The following BCKDHB variants were observed in gnomAD, a reference collection of about 807,000 sequenced individuals.
BCKDHB encodes 2-oxoisovalerate dehydrogenase subunit beta, mitochondrial.
BCKDHB carries 41 observed loss-of-function variants against 48.5 expected under a neutral mutation model. That is an observed-to-expected ratio of 0.85 (90% CI 0.66 to 1.10). The LOEUF is 1.10. Among genes scored for constraint, BCKDHB ranks in the 50% least tolerant of loss-of-function variants. BCKDHB has a pLI of 0.00. For missense variants in BCKDHB, 496 were observed against 494.2 expected (o/e 1.00, Z -0.03); for synonymous variants, 201 against 174.8 (o/e 1.15, Z -1.18).
At chr6:80,261,285 A>G (rs1190490741) in intron 8 of BCKDHB, among the ~76,000 whole-genome samples, 2 of 152,036 alleles carry the variant, frequency 1.3e-5, no homozygotes, top group African/African-American at 2.4e-5. Flanking sequence ...GGAAAGGACA[A>G]ATGGAAGGAT....
chr6:80,436,330 G>A, the BCKDHB span, among the ~76,000 whole-genome samples: 4 of 150,916 alleles, frequency 2.7e-5, no homozygotes, highest in African/African-American at 9.7e-5. Context: ...GGCTAATTTT[G>A]CTTTTGTATT....
intron 9 of BCKDHB, among the ~76,000 whole-genome samples, chr6:80,278,233 A>G (rs569703683): frequency 6.6e-6 from 1 of 152,324 alleles, no homozygotes; most frequent in South Asian, 2.1e-4. Flanking sequence ...AGATAAAACA[A>G]TCAGGAGAAG....
At chr6:80,413,365 G>A in the BCKDHB span, among the ~76,000 whole-genome samples, 2 of 152,072 alleles carry the variant, frequency 1.3e-5, no homozygotes, top group African/African-American at 4.8e-5. Flanking sequence ...CTTATGTCAT[G>A]GAGGTTTGTT....
At chr6:80,175,526 G>A (rs1773109360) in intron 6 of BCKDHB, among the ~76,000 whole-genome samples, 1 of 152,176 alleles carries the variant, frequency 6.6e-6, no homozygotes, top group Non-Finnish European at 1.5e-5. Flanking sequence ...TTGACTCATA[G>A]TCCACTTCTA....
At chr6:80,246,667 T>C (rs1475616624) in intron 8 of BCKDHB, among the ~76,000 whole-genome samples, 1 of 152,186 alleles carries the variant, frequency 6.6e-6, no homozygotes, top group Non-Finnish European at 1.5e-5. Flanking sequence ...CTGTATGCTG[T>C]CTACCCAACA....
chr6:80,452,120 G>A, the BCKDHB span, among the ~76,000 whole-genome samples: 16 of 152,324 alleles, frequency 1.1e-4, no homozygotes, highest in African/African-American at 3.8e-4. Context: ...TGGTGGCAGA[G>A]GGGAGAGAGC....
chr6:80,375,197 C>T, the BCKDHB span, among the ~76,000 whole-genome samples: 1 of 152,270 alleles, frequency 6.6e-6, no homozygotes, highest in Non-Finnish European at 1.5e-5. Context: ...ATGTTTAGAT[C>T]TCCAGCAAGG....
intron 8 of BCKDHB, among the ~76,000 whole-genome samples, chr6:80,246,312 G>A (rs1006389833): frequency 2.6e-5 from 4 of 152,168 alleles, no homozygotes; most frequent in Non-Finnish European, 5.9e-5. Context: ...TCCCCTGGTC[G>A]TCCCTCGCCT....
the BCKDHB span, among the ~76,000 whole-genome samples, chr6:80,417,630 G>T: frequency 6.6e-6 from 1 of 152,096 alleles, no homozygotes; most frequent in African/African-American, 2.4e-5. Flanking sequence ...ATTCTGGGTT[G>T]GAGTTTCTTT....
chr6:80,286,953 A>G (rs1414577116), intron 9 of BCKDHB, among the ~76,000 whole-genome samples: 1 of 152,158 alleles, frequency 6.6e-6, no homozygotes, highest in African/African-American at 2.4e-5. Flanking sequence ...TAGAGCTGGC[A>G]TCTATATTAC....
chr6:80,309,870 A>G (rs1768067318), intron 9 of BCKDHB, among the ~76,000 whole-genome samples: 1 of 152,162 alleles, frequency 6.6e-6, no homozygotes, highest in Admixed American at 6.5e-5. Context: ...CTCAGCCCTC[A>G]AGTAGGCCTC....
At chr6:80,362,298 T>C in the BCKDHB span, among the ~76,000 whole-genome samples, 33 of 152,182 alleles carry the variant, frequency 2.2e-4, no homozygotes, top group Non-Finnish European at 4.4e-4. Flanking sequence ...CCTGGTTCAA[T>C]GAATATCCTA....
At chr6:80,330,110 T>TAA (rs59548870) in intron 9 of BCKDHB, among the ~76,000 whole-genome samples, 2 of 148,610 alleles carry the variant, frequency 1.3e-5, no homozygotes, top group East Asian at 2.0e-4. Flanking sequence ...GGTGATCTTA[T>TAA]AAAAAAAAAA....
the BCKDHB span, among the ~76,000 whole-genome samples, chr6:80,411,481 C>A: frequency 1.3e-5 from 2 of 152,186 alleles, no homozygotes; most frequent in South Asian, 4.1e-4. Context: ...CTGGGAGAAC[C>A]ACTACTCTCT....
intron 1 of BCKDHB, among the ~76,000 whole-genome samples, chr6:80,121,558 T>C (rs7450918): frequency 0.37 from 55,756 of 152,016 alleles, 12,230 homozygotes; most frequent in Admixed American, 0.56. Context: ...TTTGTAGTTC[T>C]CCTTGAAGAG....
chr6:80,328,089 G>C (rs1769132836), intron 9 of BCKDHB, among the ~76,000 whole-genome samples: 1 of 152,022 alleles, frequency 6.6e-6, no homozygotes, highest in African/African-American at 2.4e-5. Context: ...CTATGTTTCT[G>C]TTACCAGTAT....
At chr6:80,410,064 T>A in the BCKDHB span, among the ~76,000 whole-genome samples, 8 of 152,158 alleles carry the variant, frequency 5.3e-5, no homozygotes, top group Non-Finnish European at 1.2e-4. Context: ...CAATTTGGCA[T>A]GTTTTTGCAG....
At chr6:80,427,839 C>T in the BCKDHB span, among the ~76,000 whole-genome samples, 3 of 151,858 alleles carry the variant, frequency 2.0e-5, no homozygotes, top group African/African-American at 4.8e-5. Context: ...TATTTTTTTC[C>T]CTTTGTACAT....
intron 6 of BCKDHB, among the ~76,000 whole-genome samples, chr6:80,172,425 C>T (rs4256394): frequency 0.57 from 86,741 of 151,716 alleles, 25,084 homozygotes; most frequent in South Asian, 0.76. Context: ...TTACATCATA[C>T]GAATATTCAT....
Sources: allele counts gnomAD v4.1 joint callset (sites outside exome capture counted in the v4.1 genomes callset), GRCh38; gene constraint gnomAD v4.1.1; transcripts MANE v1.5; gene names NCBI Gene and HGNC (gene_info 2026-07-23, HGNC 2026-07-21).